The following CNTNAP2 variants were observed in gnomAD, a reference collection of about 807,000 sequenced individuals.
The protein encoded by CNTNAP2 is contactin associated protein 2.
A neutral mutation model predicts 155.2 loss-of-function variants in CNTNAP2; 98 were observed. The ratio of observed to expected loss-of-function variants is 0.63; its 90% CI spans 0.54 to 0.75. CNTNAP2 has a LOEUF of 0.75. CNTNAP2 is among the 30% of genes least tolerant of loss of function. The pLI is 0.00. For missense variants in CNTNAP2, 1,727 were observed against 1,688.1 expected, an observed-to-expected ratio of 1.02 and a Z score of -0.40; for synonymous variants, 651 against 631.2, an observed-to-expected ratio of 1.03 and a Z score of -0.47.
At chr7:148,137,422 G>A (rs904255448) in intron 16 of CNTNAP2, among the ~76,000 whole-genome samples, 2 of 152,212 alleles carry the variant, frequency 1.3e-5, no homozygotes, top group Non-Finnish European at 2.9e-5. Flanking sequence ...CACTTTGGGA[G>A]GCTGAGGCGG....
intron 21 of CNTNAP2, among the ~76,000 whole-genome samples, chr7:148,373,282 C>T (rs1248775833): frequency 1.3e-5 from 2 of 150,138 alleles, no homozygotes; most frequent in Non-Finnish European, 3.0e-5. Context: ...GTGGTGAAAC[C>T]CCGTCTCTAC....
intron 1 of CNTNAP2, among the ~76,000 whole-genome samples, chr7:146,720,624 T>A (rs1801269838): frequency 6.6e-6 from 1 of 151,952 alleles, no homozygotes; most frequent in Non-Finnish European, 1.5e-5. Context: ...AACTCCAAAA[T>A]AAAAAATAGA....
At chr7:146,795,790 A>AG (rs1347051273) in intron 2 of CNTNAP2, among the ~76,000 whole-genome samples, 1 of 152,208 alleles carries the variant, frequency 6.6e-6, no homozygotes, top group African/African-American at 2.4e-5. Flanking sequence ...TTTCAATGAT[A>AG]GGAAGACATC....
At chr7:146,349,274 G>A (rs55932031) in intron 1 of CNTNAP2, among the ~76,000 whole-genome samples, 17,732 of 152,028 alleles carry the variant, frequency 0.12, 1,884 homozygotes, top group African/African-American at 0.28. Context: ...ATAGGTGTCC[G>A]GTACTAAGGT....
At chr7:147,805,641 C>T (rs1287641225) in intron 13 of CNTNAP2, among the ~76,000 whole-genome samples, 1 of 152,126 alleles carries the variant, frequency 6.6e-6, no homozygotes. Context: ...TGAAGGAATG[C>T]TGGGTTTTAT....
rs112028148 is a variant in CNTNAP2, at chr7:147,269,661, C to T, written c.1349-30480C>T. Among the ~76,000 whole-genome samples, 1,287 of 152,140 alleles carry T rather than the reference C, an allele frequency of 8.5e-3. 23 individuals are homozygous for T. The highest frequency in any genetic ancestry group is 0.029 in the African/African-American group (1,221 of 41,506). On this transcript the variant is annotated intron_variant, in intron 8 of 23. Coordinates refer to ENST00000361727, the MANE Select transcript of CNTNAP2 (RefSeq NM_014141.6). The stretch of plus-strand genomic sequence containing the variant: ...AGGGCCAGGACAATCAAGATTTTCC[C>T]GAGCAAGGATTATTTGAGCTGAGAT...
At chr7:147,115,407 T>C (rs1217275567) in intron 5 of CNTNAP2, among the ~76,000 whole-genome samples, 1 of 152,198 alleles carries the variant, frequency 6.6e-6, no homozygotes, top group Non-Finnish European at 1.5e-5. Context: ...TATCCTGAAG[T>C]ATGTTTTCCA....
chr7:147,977,755 C>A, intron 14 of CNTNAP2, 107 bp from the exon 15 acceptor site: 1 of 1,501,930 alleles, frequency 6.7e-7, no homozygotes, highest in Non-Finnish European at 9.2e-7. Context: ...AGTAAACTTC[C>A]AAACGATTAC....
intron 3 of CNTNAP2, among the ~76,000 whole-genome samples, chr7:146,943,861 T>G (rs1797104748): frequency 6.6e-6 from 1 of 152,170 alleles, no homozygotes; most frequent in Admixed American, 6.5e-5. Context: ...ACTGCTTACA[T>G]GAAGATGATT....
At chr7:148,313,280 T>A (rs1348250220) in intron 21 of CNTNAP2, among the ~76,000 whole-genome samples, 1 of 149,450 alleles carries the variant, frequency 6.7e-6, no homozygotes. Context: ...TCCGTGATAG[T>A]CTAGGGGGCT....
chr7:147,143,293 A>G (rs1801637974), intron 8 of CNTNAP2, among the ~76,000 whole-genome samples: 1 of 152,140 alleles, frequency 6.6e-6, no homozygotes, highest in South Asian at 2.1e-4. Flanking sequence ...ACAATCTTTC[A>G]TGAACCCCCA....
chr7:147,685,060 T>C (rs1352532000), intron 13 of CNTNAP2, among the ~76,000 whole-genome samples: 7 of 151,968 alleles, frequency 4.6e-5, no homozygotes, highest in African/African-American at 1.7e-4. Context: ...TCACCTGTCA[T>C]TGTCATCTCA....
At chr7:147,451,560 A>G (rs1171035935) in intron 10 of CNTNAP2, among the ~76,000 whole-genome samples, 2 of 152,108 alleles carry the variant, frequency 1.3e-5, no homozygotes, top group Non-Finnish European at 2.9e-5. Context: ...ACTAGGGCCC[A>G]GAGAAAACTT....
At chr7:147,049,987 A>C (rs995899582) in intron 4 of CNTNAP2, among the ~76,000 whole-genome samples, 2 of 152,170 alleles carry the variant, frequency 1.3e-5, no homozygotes, top group Non-Finnish European at 2.9e-5. Context: ...TAGGGCTTCT[A>C]TTGTTCCTAC....
intron 1 of CNTNAP2, among the ~76,000 whole-genome samples, chr7:146,231,997 A>C (rs1799393625): frequency 6.6e-6 from 1 of 152,088 alleles, no homozygotes; most frequent in South Asian, 2.1e-4. Flanking sequence ...GGTTAAACAG[A>C]GGTTATTCTG....
At chr7:146,408,898 G>A (rs557416467) in intron 1 of CNTNAP2, among the ~76,000 whole-genome samples, 20 of 151,526 alleles carry the variant, frequency 1.3e-4, no homozygotes, top group Admixed American at 1.1e-3. Context: ...ACTCATGTGG[G>A]CCTGGAATCA....
At chr7:146,947,376 TTC>T (rs1302421701) in intron 3 of CNTNAP2, among the ~76,000 whole-genome samples, 3 of 130,936 alleles carry the variant, frequency 2.3e-5, no homozygotes, top group Admixed American at 7.8e-5. Context: ...ATCAAGTTCC[TTC>T]TCTCTTTCTC....
chr7:146,209,153 G>C (rs1798996295), intron 1 of CNTNAP2, among the ~76,000 whole-genome samples: 1 of 152,046 alleles, frequency 6.6e-6, no homozygotes. Context: ...AGCCATATGA[G>C]GTGCAGAGCT....
At chr7:146,550,282 C>T (rs543607110) in intron 1 of CNTNAP2, among the ~76,000 whole-genome samples, 256 of 151,940 alleles carry the variant, frequency 1.7e-3, no homozygotes, top group African/African-American at 5.9e-3. Context: ...TGAGACTCTT[C>T]CGGTGACCAA....
Sources: allele counts gnomAD v4.1 joint callset (sites outside exome capture counted in the v4.1 genomes callset), GRCh38; gene constraint gnomAD v4.1.1; transcripts MANE v1.5; gene names NCBI Gene and HGNC (gene_info 2026-07-23, HGNC 2026-07-21).